PCDH11Y: variants seen among roughly 807,000 people sequenced by gnomAD.
The protein encoded by PCDH11Y is protocadherin 11 Y-linked, also known as protocadherin-11 Y-linked.
For missense variants in PCDH11Y, 12 were observed against 224.8 expected, an observed-to-expected ratio of 0.05 and a Z score of 6.05; for synonymous variants, 9 against 83.6, an observed-to-expected ratio of 0.11 and a Z score of 4.87.
At chrY:5,453,768 T>C in intron 2 of PCDH11Y, among the ~76,000 whole-genome samples, 1 of 30,808 alleles carries the variant, frequency 3.2e-5, no homozygotes, top group Non-Finnish European at 7.9e-5. Context: ...TGACAAGAAG[T>C]TGCTCACTAT....
intron 4 of PCDH11Y, among the ~76,000 whole-genome samples, chrY:5,655,530 T>C: frequency 3.0e-5 from 1 of 32,981 alleles, no homozygotes; most frequent in Admixed American, 2.9e-4. Context: ...TATTTTATTG[T>C]GATCCTTAGC....
chrY:5,147,624 G>C, intron 2 of PCDH11Y, among the ~76,000 whole-genome samples: 2 of 32,891 alleles, frequency 6.1e-5, no homozygotes, highest in African/African-American at 1.2e-4. Flanking sequence ...TGGGACCTGT[G>C]AATATGATGC....
intron 3 of PCDH11Y, among the ~76,000 whole-genome samples, chrY:5,565,094 T>C: frequency 3.0e-5 from 1 of 33,105 alleles, no homozygotes; most frequent in African/African-American, 1.2e-4. Context: ...TAAGTAGGCA[T>C]ATTCTCAAGA....
At chrY:5,287,540 A>G in intron 2 of PCDH11Y, among the ~76,000 whole-genome samples, 4 of 33,245 alleles carry the variant, frequency 1.2e-4, no homozygotes, top group Admixed American at 2.8e-4. Context: ...TCAATGATAC[A>G]CTGAATAAAA....
chrY:5,335,454 G>A (rs2053135563), intron 2 of PCDH11Y, among the ~76,000 whole-genome samples: 1 of 32,654 alleles, frequency 3.1e-5, no homozygotes, highest in African/African-American at 1.2e-4. Flanking sequence ...TGTTTTCTTA[G>A]AGGAACCAGG....
intron 4 of PCDH11Y, among the ~76,000 whole-genome samples, chrY:5,632,169 A>G (rs2053512892): frequency 3.1e-5 from 1 of 32,094 alleles, no homozygotes; most frequent in Non-Finnish European, 7.6e-5. Flanking sequence ...TAGGTCTTCA[A>G]TAAGGGTCAG....
intron 2 of PCDH11Y, among the ~76,000 whole-genome samples, chrY:5,369,069 T>A: frequency 3.0e-5 from 1 of 33,165 alleles, no homozygotes; most frequent in Non-Finnish European, 7.4e-5. Context: ...GGGACTTGCC[T>A]TGGCTCAGAT....
intron 4 of PCDH11Y, among the ~76,000 whole-genome samples, chrY:5,725,958 A>G: frequency 2.2e-4 from 7 of 31,817 alleles, no homozygotes; most frequent in Admixed American, 1.4e-3. Context: ...ATTTAACTTC[A>G]TTAGCAGTTA....
intron 2 of PCDH11Y, among the ~76,000 whole-genome samples, chrY:5,147,619 C>A: frequency 3.1e-5 from 1 of 32,651 alleles, no homozygotes; most frequent in Non-Finnish European, 7.5e-5. Context: ...ATCCCTGGGA[C>A]CTGTGAATAT....
At chrY:5,432,418 G>A (rs1602924539) in intron 2 of PCDH11Y, among the ~76,000 whole-genome samples, 8 of 32,878 alleles carry the variant, frequency 2.4e-4, no homozygotes, top group Admixed American at 1.1e-3. Flanking sequence ...TGAGACTTCC[G>A]TGTTTTGTAG....
chrY:5,171,118 ATGAGGCT>A (rs2052885997), intron 2 of PCDH11Y, among the ~76,000 whole-genome samples: 3 of 23,928 alleles, frequency 1.3e-4, no homozygotes, highest in African/African-American at 5.0e-4. Context: ...AGACTACAGG[ATGAGGCT>A]CTCAGTTAGG....
intron 2 of PCDH11Y, among the ~76,000 whole-genome samples, chrY:5,211,861 A>G: frequency 3.1e-5 from 1 of 32,290 alleles, no homozygotes. Context: ...CTGGTCTGGA[A>G]CTCCTGACCT....
intron 1 of PCDH11Y, among the ~76,000 whole-genome samples, chrY:5,026,624 AG>A (rs2052578801): frequency 1.9e-4 from 6 of 31,935 alleles, no homozygotes; most frequent in African/African-American, 7.4e-4. Flanking sequence ...ATTTAAATGT[AG>A]TAGCCATTTT....
chrY:5,606,250 T>C, intron 4 of PCDH11Y, among the ~76,000 whole-genome samples: 1 of 19,543 alleles, frequency 5.1e-5, no homozygotes, highest in African/African-American at 2.1e-4. Flanking sequence ...ACATGTGCCA[T>C]GCTGGTGCGC....
At chrY:5,200,805 T>A in intron 2 of PCDH11Y, among the ~76,000 whole-genome samples, 1 of 33,321 alleles carries the variant, frequency 3.0e-5, no homozygotes, top group East Asian at 8.0e-4. Context: ...CTTGAATTTG[T>A]GACCCCTGGT....
chrY:5,594,563 G>A, intron 4 of PCDH11Y, among the ~76,000 whole-genome samples: 1 of 33,485 alleles, frequency 3.0e-5, no homozygotes, highest in African/African-American at 1.2e-4. Flanking sequence ...GGGAAGGGCC[G>A]TGGGCCTGAG....
intron 4 of PCDH11Y, among the ~76,000 whole-genome samples, chrY:5,595,392 A>G (rs2053466529): frequency 3.0e-5 from 1 of 33,673 alleles, no homozygotes; most frequent in African/African-American, 1.2e-4. Context: ...GACATCGTAG[A>G]TGTTAAATAT....
At chrY:5,593,886 G>A in intron 4 of PCDH11Y, among the ~76,000 whole-genome samples, 1 of 32,372 alleles carries the variant, frequency 3.1e-5, no homozygotes, top group East Asian at 8.2e-4. Context: ...AACCCAATGT[G>A]CTCGGAAGGC....
intron 2 of PCDH11Y, among the ~76,000 whole-genome samples, chrY:5,392,958 A>G: frequency 3.0e-5 from 1 of 33,513 alleles, no homozygotes; most frequent in African/African-American, 1.2e-4. Context: ...TTCATTGTAT[A>G]ATAGAAAATG....
Sources: allele counts gnomAD v4.1 joint callset (sites outside exome capture counted in the v4.1 genomes callset), GRCh38; gene constraint gnomAD v4.1.1; transcripts MANE v1.5; gene names NCBI Gene and HGNC (gene_info 2026-07-23, HGNC 2026-07-21).